Variants in HYDIN observed in about 807,000 individuals in gnomAD.
HYDIN encodes HYDIN axonemal central pair apparatus protein.
A neutral mutation model predicts 403.9 loss-of-function variants in HYDIN; 132 were observed. The ratio of observed to expected loss-of-function variants is 0.33; its 90% CI spans 0.28 to 0.38. The LOEUF (loss-of-function observed/expected upper bound fraction) is 0.38, where lower values mean the gene tolerates loss of function less well. Among genes scored for constraint, HYDIN ranks in the 10% least tolerant of loss-of-function variants. The probability of loss-of-function intolerance (pLI) is 1.00; values close to 1 mark genes in which losing one functional copy is unlikely to be tolerated. For synonymous variants in HYDIN, 1,202 were observed against 1,891.7 expected (o/e 0.64, Z 9.46); for missense variants, 2,827 against 5,009.5 (o/e 0.56, Z 13.15).
intron 18 of HYDIN, among the ~76,000 whole-genome samples, chr16:71,036,379 CAT>C (rs1332033359): frequency 4.6e-5 from 7 of 151,606 alleles, no homozygotes; most frequent in Admixed American, 4.6e-4. Flanking sequence ...ACAACGAAAA[CAT>C]AAATCAATGC....
chr16:70,847,742 T>G (rs1178614715), intron 75 of HYDIN, among the ~76,000 whole-genome samples: 5 of 152,090 alleles, frequency 3.3e-5, no homozygotes, highest in African/African-American at 1.2e-4. Context: ...TTTCAACAGT[T>G]TGGTAATGAT....
At chr16:71,097,678 T>A (rs1390613623) in intron 10 of HYDIN, among the ~76,000 whole-genome samples, 1 of 144,692 alleles carries the variant, frequency 6.9e-6, no homozygotes, top group Non-Finnish European at 1.5e-5. Context: ...TCCCCAGCAG[T>A]GGGGATATCA....
intron 77 of HYDIN, among the ~76,000 whole-genome samples, chr16:70,836,189 G>C (rs1439893977): frequency 6.6e-6 from 1 of 152,206 alleles, no homozygotes; most frequent in African/African-American, 2.4e-5. Context: ...GTCAGTTTCA[G>C]CCAGAGTGAG....
At chr16:70,932,148 A>G (rs2143849904) in intron 45 of HYDIN, among the ~76,000 whole-genome samples, 1 of 147,150 alleles carries the variant, frequency 6.8e-6, no homozygotes, top group South Asian at 2.2e-4. Flanking sequence ...TGAGGTCAGG[A>G]GTTCGAGACC....
intron 78 of HYDIN, among the ~76,000 whole-genome samples, chr16:70,835,416 A>G (rs1296463339): frequency 1.3e-5 from 2 of 152,206 alleles, no homozygotes; most frequent in Non-Finnish European, 1.5e-5. Flanking sequence ...AACAAATGAC[A>G]ATGAATGACA....
chr16:70,894,320 A>T, intron 55 of HYDIN, 129 bp downstream of exon 55: 1 of 1,258,742 alleles, frequency 7.9e-7, no homozygotes, highest in East Asian at 2.5e-5. Context: ...CAGACACGCT[A>T]TTCCCCACGG....
At chr16:71,062,144 T>C (rs761407205) in intron 17 of HYDIN, 25 bp downstream of exon 17, 3 of 1,001,156 alleles carry the variant, frequency 3.0e-6, no homozygotes, top group South Asian at 3.2e-5. Context: ...CAATTTCAAT[T>C]GCAGTTCTGA....
intron 43 of HYDIN, among the ~76,000 whole-genome samples, chr16:70,940,797 G>A (rs1271558954): frequency 6.6e-6 from 1 of 152,214 alleles, no homozygotes; most frequent in Non-Finnish European, 1.5e-5. Context: ...AATTGGAAAA[G>A]CATTATGATT....
chr16:71,049,784 C>A (rs2081572890), intron 18 of HYDIN, among the ~76,000 whole-genome samples: 1 of 145,000 alleles, frequency 6.9e-6, no homozygotes, highest in Non-Finnish European at 1.5e-5. Context: ...CGGCTATAAC[C>A]AATTACAAAT....
At chr16:71,173,706 T>G (rs1429290587) in intron 5 of HYDIN, among the ~76,000 whole-genome samples, 1 of 152,166 alleles carries the variant, frequency 6.6e-6, no homozygotes, top group Non-Finnish European at 1.5e-5. Context: ...TAGCTAAAAT[T>G]TATGTATATA....
At chr16:70,849,438 T>C (rs1048747275) in intron 75 of HYDIN, among the ~76,000 whole-genome samples, 5 of 152,120 alleles carry the variant, frequency 3.3e-5, no homozygotes, top group African/African-American at 1.2e-4. Flanking sequence ...CAATAATCCA[T>C]CTTAGAAAAC....
At chr16:71,011,679 T>C (rs554096808) in intron 23 of HYDIN, among the ~76,000 whole-genome samples, 40 of 152,176 alleles carry the variant, frequency 2.6e-4, no homozygotes, top group Admixed American at 1.6e-3. Flanking sequence ...GAACTAAGAT[T>C]GTGCCACTGC....
chr16:70,957,193 A>G (rs1243309024), intron 39 of HYDIN, among the ~76,000 whole-genome samples: 1 of 151,294 alleles, frequency 6.6e-6, no homozygotes, highest in East Asian at 2.0e-4. Flanking sequence ...TTCTAGCTCT[A>G]TGAATTTGAC....
intron 18 of HYDIN, among the ~76,000 whole-genome samples, chr16:71,055,258 G>A (rs1388390761): frequency 6.6e-6 from 1 of 152,262 alleles, no homozygotes; most frequent in African/African-American, 2.4e-5. Flanking sequence ...ACAAGTTGTG[G>A]CAATTAACTT....
chr16:71,192,706 T>G (rs946618031), intron 1 of HYDIN, among the ~76,000 whole-genome samples: 2 of 152,168 alleles, frequency 1.3e-5, no homozygotes, highest in Non-Finnish European at 2.9e-5. Flanking sequence ...TCGTGCTCAC[T>G]CCTATCATGG....
At position 70,908,845 on chromosome 16, in the gene HYDIN, G is replaced by T; in HGVS notation, c.8021C>A (p.Thr2674Asn). The change falls in exon 48 of 86, where the codon ACC becomes AAC. Residue 2674 changes from threonine to asparagine, a missense_variant. Transcript: ENST00000393567. ...CTGTTTGCCCCCCTTAGATGAGCTG[G>T]TCTGCTCCTCTTGAGCCTTAATTAA... ...TNTTKAQEEQTSSSKGGKQKM... is the reference protein window; with the variant it reads ...TNTTKAQEEQNSSSKGGKQKM... 6.2e-7 allele frequency: 1 copy of T among 1,611,612 alleles called. No homozygotes were observed. Among genetic ancestry groups the T allele is most frequent in the South Asian group, 1.1e-5 (1 of 90,506 alleles).
chr16:70,936,954 G>A (rs2077512006), intron 44 of HYDIN, among the ~76,000 whole-genome samples: 1 of 151,302 alleles, frequency 6.6e-6, no homozygotes, highest in Non-Finnish European at 1.5e-5. Context: ...AACTGCTCCT[G>A]CCCCTGCTGC....
In HYDIN at chr16:70,884,040, A is replaced by G; in HGVS notation, c.9859T>C (p.Cys3287Arg). 1 of 1,614,054 alleles carries G rather than the reference A, an allele frequency of 6.2e-7. No individual in the cohort carries two copies. The highest frequency in any genetic ancestry group is 8.5e-7 in the Non-Finnish European group (1 of 1,179,992). The change falls in exon 59 of 86, where the codon TGT (cysteine) becomes CGT (arginine). Residue 3287 changes from cysteine to arginine, a missense_variant. By Grantham distance (180) the Cys-to-Arg change is radical. Coordinates refer to ENST00000393567, the MANE Select transcript of HYDIN (RefSeq NM_001270974.2). ...SGGQQVINVDCVADAMGKCEE... is the reference protein window; with the variant it reads ...SGGQQVINVDRVADAMGKCEE... ...CACTTTCCCATGGCGTCAGCCACAC[A>G]GTCAACGTTGATGACCTGCTGTCCT...
intron 23 of HYDIN, among the ~76,000 whole-genome samples, chr16:71,010,655 G>A (rs918588119): frequency 3.3e-5 from 5 of 152,200 alleles, no homozygotes; most frequent in African/African-American, 1.2e-4. Flanking sequence ...CATGGGGCAG[G>A]TGGCTGAGCC....
Sources: gnomAD v4.1 joint callset for allele counts (sites outside exome capture counted in the v4.1 genomes callset) on GRCh38, gnomAD v4.1.1 for gene constraint, MANE v1.5 for transcripts, NCBI Gene and HGNC (gene_info 2026-07-23, HGNC 2026-07-21) for gene names.